Variants in FITM2 observed in about 807,000 individuals in gnomAD.
FITM2 encodes the protein acyl-coenzyme A diphosphatase FITM2.
FITM2 carries 16 observed loss-of-function variants against 23.3 expected under a neutral mutation model. The ratio of observed to expected loss-of-function variants is 0.69; its 90% CI spans 0.47 to 1.05. The LOEUF (loss-of-function observed/expected upper bound fraction) is 1.05, where lower values mean the gene tolerates loss of function less well. Among genes scored for constraint, FITM2 ranks in the 50% least tolerant of loss-of-function variants. The pLI is 0.00. For missense variants in FITM2, 273 were observed against 327.5 expected, an observed-to-expected ratio of 0.83 and a Z score of 1.29; for synonymous variants, 132 against 142.0, an observed-to-expected ratio of 0.93 and a Z score of 0.50.
At chr20:44,308,038 G>A (rs1282191812) in intron 1 of FITM2, among the ~76,000 whole-genome samples, 1 of 150,764 alleles carries the variant, frequency 6.6e-6, no homozygotes, top group East Asian at 2.0e-4. Context: ...AGTGAGCCGA[G>A]ATTGTGCCAC....
chr20:44,302,863 CTTTAA>C lies in FITM2; in HGVS notation c.*3757_*3761del, dbSNP rs1013541626. 1.1e-4 allele frequency: 17 copies of C among 152,170 alleles called. No homozygotes were observed. The highest frequency in any genetic ancestry group is 1.7e-4 in the African/African-American group (7 of 41,460). The allele number at this position is 152,170 out of a possible 1,614,324, so 9.4% of individuals were successfully genotyped here. A position where few individuals can be genotyped will look rare whatever the true frequency, so the allele number is the denominator to read the frequency against. On this transcript the variant is annotated 3_prime_UTR_variant, in exon 2 of 2. Coordinates refer to ENST00000396825, the MANE Select transcript of FITM2 (RefSeq NM_001080472.4). Reference sequence around the variant, plus strand: ...TATGGGATTTCATTATCTCAGTTTACTTTAATTTGCTTGTTTACACACACGATCTG... The same window carrying C: ...TATGGGATTTCATTATCTCAGTTTACTTTGCTTGTTTACACACACGATCTG...
Position 44,311,137 on chromosome 20 carries a change from C to T in FITM2, c.12G>A (p.Leu4=), listed in dbSNP as rs1031846241. 6.2e-7 allele frequency: 1 copy of T among 1,612,350 alleles called. No homozygotes were observed. Among genetic ancestry groups the T allele is most frequent in the African/African-American group, 1.3e-5 (1 of 74,916 alleles). ...CCCGCAACAACCACTCGCAGCGCTC[C>T]AGATGCTCCATGCCGGATCTCGTCA... is the stretch of plus-strand genomic sequence containing the variant. MEH[L]ERCEWLLRGT... The change falls in exon 1 of 2, where the codon CTG becomes CTA. Residue 4 remains leucine (L), a synonymous_variant. Transcript: ENST00000396825.
At position 44,306,912 on chromosome 20, in the gene FITM2, C is replaced by T; in HGVS notation, c.502G>A (p.Glu168Lys). The stretch of plus-strand genomic sequence containing the variant: ...ACCTCATGCAGCACAGACATCTCTT[C>T]TACAATCATGAGGGCGCAGAAGGTC... ...LLTFCALMIV[E>K]EMSVLHEVKT... Residue 168 changes from glutamate (E) to lysine (K), a missense_variant, in exon 2 of 2, where the codon GAA becomes AAA. Glu to Lys is a moderately conservative substitution (Grantham distance 56, BLOSUM62 1). Around this residue, in one of 3 missense-constraint regions of FITM2, gnomAD observed 117 missense variants for 183.3 expected, o/e 0.64. Coordinates refer to ENST00000396825, the MANE Select transcript of FITM2 (RefSeq NM_001080472.4). 2 of 1,614,152 alleles carry T rather than the reference C, an allele frequency of 1.2e-6. No homozygotes were observed. Among genetic ancestry groups the T allele is most frequent in the Non-Finnish European group, 1.7e-6 (2 of 1,180,024 alleles).
chr20:44,308,730 A>C (rs752507396), intron 1 of FITM2, among the ~76,000 whole-genome samples: 4 of 151,690 alleles, frequency 2.6e-5, no homozygotes, highest in African/African-American at 4.8e-5. Flanking sequence ...TTTTGTGGAG[A>C]TGGGGCCTTG....
Position 44,303,997 on chromosome 20 carries a change from A to G in FITM2, c.*2628T>C, listed in dbSNP as rs1177521796. 2 of 152,180 alleles carry G rather than the reference A, an allele frequency of 1.3e-5. No homozygotes were observed. Among genetic ancestry groups the G allele is most frequent in the Non-Finnish European group, 2.9e-5 (2 of 68,064 alleles). 9.4% of individuals were successfully genotyped at this position (152,180 alleles called of 1,614,324 possible). A position where few individuals can be genotyped will look rare whatever the true frequency, so the allele number is the denominator to read the frequency against. ...CACCACTGGTTTATGGGCATAGGCA[A>G]CAGAGGGTCACATCTTACCAACGCC... is the stretch of plus-strand genomic sequence containing the variant. On this transcript the variant is annotated 3_prime_UTR_variant, in exon 2 of 2. Coordinates refer to ENST00000396825, the MANE Select transcript of FITM2 (RefSeq NM_001080472.4).
In FITM2 at chr20:44,306,950, T is replaced by C. The variant is rs762913580; in HGVS notation, c.464A>G (p.His155Arg). 1.9e-6 allele frequency: 3 copies of C among 1,613,952 alleles called. No homozygotes were observed. Among genetic ancestry groups the C allele is most frequent in the Non-Finnish European group, 2.5e-6 (3 of 1,179,988 alleles). ...GGCGCAGAAGGTCAGCAGGAAGGAG[T>C]GACCTGAGATGTCAAAGCCATGCCA... ...GFWHGFDISGHSFLLTFCALM... is the reference protein window; with the variant it reads ...GFWHGFDISGRSFLLTFCALM... The change falls in exon 2 of 2, where the codon CAC becomes CGC. Residue 155 changes from histidine to arginine, a missense_variant. Around this residue, in one of 3 missense-constraint regions of FITM2, gnomAD observed 117 missense variants for 183.3 expected, o/e 0.64. Coordinates refer to ENST00000396825, the MANE Select transcript of FITM2 (RefSeq NM_001080472.4).
At chr20:44,307,928 A>C (rs2062695246) in intron 1 of FITM2, among the ~76,000 whole-genome samples, 1 of 151,954 alleles carries the variant, frequency 6.6e-6, no homozygotes, top group South Asian at 2.1e-4. Context: ...TCTACCAAAA[A>C]TACAAAAAAT....
At position 44,305,814 on chromosome 20, in the gene FITM2, C is replaced by T. The variant is rs933197051; in HGVS notation, c.*811G>A. ...CCCAGCCTGGGCAACAAGAGCAAAA[C>T]TCCATCTCAAAAAAAAGAAAAAAAC... On this transcript the variant is annotated 3_prime_UTR_variant, in exon 2 of 2. Coordinates refer to ENST00000396825, the MANE Select transcript of FITM2 (RefSeq NM_001080472.4). 5.3e-5 allele frequency: 8 copies of T among 151,920 alleles called. 1 individual carries two copies. The allele number at this position is 151,920 out of a possible 1,614,324, so 9.4% of individuals were successfully genotyped here. A position where few individuals can be genotyped will look rare whatever the true frequency, so the allele number is the denominator to read the frequency against.
Position 44,306,887 on chromosome 20 carries a change from A to G in FITM2, c.527T>C (p.Val176Ala). 6 of 1,614,178 alleles carry G rather than the reference A, an allele frequency of 3.7e-6. No homozygotes were observed. The Middle Eastern group carries it at 4.9e-4, about 133-fold the overall frequency. The part of the protein sequence containing the change: ...IVEEMSVLHE[V>A]KTDRSHCLHT... ...GAGGCAGTGGCTTCGGTCCGTCTTC[A>G]CCTCATGCAGCACAGACATCTCTTC... The change falls in exon 2 of 2, where the codon GTG (valine) becomes GCG (alanine). Residue 176 changes from valine (V) to alanine (A), a missense_variant. This residue lies in a region of FITM2 where 117 missense variants were observed against 183.3 expected (regional missense o/e 0.64). Coordinates refer to ENST00000396825, the MANE Select transcript of FITM2 (RefSeq NM_001080472.4).
In FITM2 at chr20:44,306,511, C is replaced by T; in HGVS notation, c.*114G>A. 6.9e-7 allele frequency: 1 copy of T among 1,447,004 alleles called. No individual in the cohort carries two copies. The highest frequency in any genetic ancestry group is 2.3e-5 in the East Asian group (1 of 43,120). 89.6% of individuals were successfully genotyped at this position (1,447,004 alleles called of 1,614,324 possible). On this transcript the variant is annotated 3_prime_UTR_variant, in exon 2 of 2. Transcript: ENST00000396825. ...ACTTCAGCACCACCCACCAAAACTG[C>T]CTGGTACACTTTCCCTCTGAAGTAG...
intron 1 of FITM2, among the ~76,000 whole-genome samples, chr20:44,309,102 C>A (rs2062698304): frequency 1.3e-5 from 2 of 151,544 alleles, no homozygotes; most frequent in South Asian, 4.2e-4. Context: ...TCAAGCAATT[C>A]TCCTGCCTCA....
At chr20:44,308,379 C>T (rs1225930592) in intron 1 of FITM2, among the ~76,000 whole-genome samples, 1 of 152,154 alleles carries the variant, frequency 6.6e-6, no homozygotes, top group Non-Finnish European at 1.5e-5. Flanking sequence ...GAGGAAGGTG[C>T]CATTGTTCCA....
Position 44,306,811 on chromosome 20 carries a change from G to A in FITM2, c.603C>T (p.Ile201=). The A allele has an allele frequency of 1.2e-6, 2 of 1,614,174 alleles. No homozygotes were observed. Among genetic ancestry groups the A allele is most frequent in the Non-Finnish European group, 8.5e-7 (1 of 1,180,038 alleles). ...LVVALGILTF[I]WVLMFLCTAV... The stretch of plus-strand genomic sequence containing the variant: ...CTGTGCACAGAAACATCAACACCCA[G>A]ATGAAAGTCAGAATGCCCAGGGCCA... The change falls in exon 2 of 2, where the codon ATC becomes ATT. Residue 201 remains isoleucine (I), a synonymous_variant. Transcript: ENST00000396825.
At position 44,303,945 on chromosome 20, in the gene FITM2, C is replaced by G. The variant is rs2062683398; in HGVS notation, c.*2680G>C. 1 of 152,078 alleles carries G rather than the reference C, an allele frequency of 6.6e-6. No homozygotes were observed. Among genetic ancestry groups the G allele is most frequent in the South Asian group, 2.1e-4 (1 of 4,816 alleles). 9.4% of individuals were successfully genotyped at this position (152,078 alleles called of 1,614,324 possible). On this transcript the variant is annotated 3_prime_UTR_variant, in exon 2 of 2. Transcript: ENST00000396825. ...AGAGCTTTCAATCCCTTCAACAAGCCCCTGCCATCTACTCCATGGCCACTC... is the reference window on the plus strand; with the variant it reads ...AGAGCTTTCAATCCCTTCAACAAGCGCCTGCCATCTACTCCATGGCCACTC...
At position 44,304,334 on chromosome 20, in the gene FITM2, C is replaced by G. The variant is rs1189908207; in HGVS notation, c.*2291G>C. 1 of 152,094 alleles carries G rather than the reference C, an allele frequency of 6.6e-6. No homozygotes were observed. The highest frequency in any genetic ancestry group is 1.5e-5 in the Non-Finnish European group (1 of 68,068). The allele number at this position is 152,094 out of a possible 1,614,324, so 9.4% of individuals were successfully genotyped here. ...ACAGCAAGGGGCTCAGTTTGAAAGGCTTAAGGAGACAGTCTGGGAGAGAAG... is the reference window on the plus strand; with the variant it reads ...ACAGCAAGGGGCTCAGTTTGAAAGGGTTAAGGAGACAGTCTGGGAGAGAAG... On this transcript the variant is annotated 3_prime_UTR_variant, in exon 2 of 2. Coordinates refer to ENST00000396825, the MANE Select transcript of FITM2 (RefSeq NM_001080472.4).
chr20:44,309,713 A>G (rs767538043), intron 1 of FITM2, among the ~76,000 whole-genome samples: 56 of 152,206 alleles, frequency 3.7e-4, no homozygotes, highest in South Asian at 8.3e-4. Context: ...CTCATTAATC[A>G]GCACAGAGGC....
intron 1 of FITM2, among the ~76,000 whole-genome samples, chr20:44,309,170 T>A (rs1184118000): frequency 6.6e-6 from 1 of 151,730 alleles, no homozygotes; most frequent in East Asian, 1.9e-4. Flanking sequence ...AATTTTTGTA[T>A]TTTTATTTTT....
Position 44,307,142 on chromosome 20 carries a change from A to T in FITM2, c.272T>A (p.Leu91Gln). ...CACAAGCAGGGTGCTCAGCCGCCGCAGGACCAAGCCAGCCTTGCCGGTCAG... is the reference window on the plus strand; with the variant it reads ...CACAAGCAGGGTGCTCAGCCGCCGCTGGACCAAGCCAGCCTTGCCGGTCAG... ...YHLTGKAGLV[L>Q]RRLSTLLVGT... The change falls in exon 2 of 2, where the codon CTG becomes CAG. Residue 91 changes from leucine to glutamine, a missense_variant. Transcript: ENST00000396825. 3.7e-6 allele frequency: 6 copies of T among 1,614,216 alleles called. No individual in the cohort carries two copies. The highest frequency in any genetic ancestry group is 5.1e-6 in the Non-Finnish European group (6 of 1,180,028).
In FITM2 at chr20:44,306,184, C is replaced by G. The variant is rs554765018; in HGVS notation, c.*441G>C. On this transcript the variant is annotated 3_prime_UTR_variant, in exon 2 of 2. Coordinates refer to ENST00000396825, the MANE Select transcript of FITM2 (RefSeq NM_001080472.4). ...GGGATTAGAGGTGTGAACCACCATG[C>G]CTGGCTGGAAAATACTGTTAAGTAA... 9.4e-4 allele frequency: 176 copies of G among 186,736 alleles called. No homozygotes were observed. The highest frequency in any genetic ancestry group is 3.8e-3 in the African/African-American group (161 of 42,436). The allele number at this position is 186,736 out of a possible 1,614,324, so 11.6% of individuals were successfully genotyped here.
Sources: gnomAD v4.1 joint callset for allele counts (sites outside exome capture counted in the v4.1 genomes callset) on GRCh38, gnomAD v4.1.1 for gene constraint, gnomAD v4.1.1 regional missense constraint, MANE v1.5 for transcripts, NCBI Gene and HGNC (gene_info 2026-07-23, HGNC 2026-07-21) for gene names.